DAPK2: variants seen among roughly 807,000 people sequenced by gnomAD.
DAPK2 encodes the protein death-associated protein kinase 2.
Under a neutral mutation model 44.1 loss-of-function variants are expected in DAPK2, and 35 were observed. That is an observed-to-expected ratio of 0.79 (90% CI 0.61 to 1.05). The LOEUF is 1.05. Ranked by LOEUF, DAPK2 falls within the 50% of genes least tolerant of loss-of-function variation. DAPK2 has a pLI of 0.00. For synonymous variants in DAPK2, 174 were observed against 182.6 expected (o/e 0.95, Z 0.38); for missense variants, 453 against 483.2 (o/e 0.94, Z 0.59).
chr15:63,985,416 C>T (rs1483331456), intron 1 of DAPK2, among the ~76,000 whole-genome samples: 1 of 152,204 alleles, frequency 6.6e-6, no homozygotes, highest in Non-Finnish European at 1.5e-5. Context: ...CAGCGGGTGC[C>T]TTGGTAGGTG....
chr15:63,914,910 A>T (rs995669326), intron 8 of DAPK2, among the ~76,000 whole-genome samples: 1 of 152,158 alleles, frequency 6.6e-6, no homozygotes, highest in African/African-American at 2.4e-5. Context: ...TCTTCATTAC[A>T]CGTGGTGCTA....
chr15:63,913,498 G>A (rs1224192580), intron 8 of DAPK2, among the ~76,000 whole-genome samples: 1 of 152,086 alleles, frequency 6.6e-6, no homozygotes, highest in Non-Finnish European at 1.5e-5. Flanking sequence ...AAAGGTCCCG[G>A]GCAGCTCTGG....
chr15:64,037,373 G>A (rs2080238699), intron 1 of DAPK2, among the ~76,000 whole-genome samples: 1 of 152,116 alleles, frequency 6.6e-6, no homozygotes, highest in Non-Finnish European at 1.5e-5. Context: ...CTTCCTCAGA[G>A]CAATCTTCTC....
chr15:63,910,299 G>A (rs557156780), intron 10 of DAPK2, among the ~76,000 whole-genome samples: 2 of 152,280 alleles, frequency 1.3e-5, no homozygotes, highest in East Asian at 3.9e-4. Context: ...GCTGTGTGGA[G>A]GGAGTGGGGA....
intron 5 of DAPK2, chr15:63,929,828 G>A: frequency 1.5e-6 from 1 of 652,322 alleles, no homozygotes; most frequent in South Asian, 1.5e-5. Flanking sequence ...CTTGCAGGCT[G>A]TGTGATTTAG....
chr15:64,010,914 G>C (rs1046850581), intron 1 of DAPK2, among the ~76,000 whole-genome samples: 1 of 152,156 alleles, frequency 6.6e-6, no homozygotes, highest in South Asian at 2.1e-4. Flanking sequence ...CAGGGAAGCC[G>C]TCAGTCTTGG....
At chr15:63,958,527 T>C (rs943885772) in intron 3 of DAPK2, among the ~76,000 whole-genome samples, 1 of 152,238 alleles carries the variant, frequency 6.6e-6, no homozygotes, top group African/African-American at 2.4e-5. Context: ...AATTAATTTT[T>C]GTATAAGGTG....
intron 1 of DAPK2, among the ~76,000 whole-genome samples, chr15:64,010,226 T>A (rs1425412924): frequency 6.6e-6 from 1 of 152,200 alleles, no homozygotes; most frequent in African/African-American, 2.4e-5. Context: ...CTGAGGATTC[T>A]AATGCCCACC....
chr15:63,960,791 T>A (rs957902139), intron 3 of DAPK2, among the ~76,000 whole-genome samples: 1 of 152,166 alleles, frequency 6.6e-6, no homozygotes, highest in East Asian at 1.9e-4. Context: ...TTGGAATAAG[T>A]GTGATGTGGT....
chr15:64,030,395 T>TC (rs2079977916), intron 1 of DAPK2, among the ~76,000 whole-genome samples: 1 of 152,140 alleles, frequency 6.6e-6, no homozygotes, highest in Non-Finnish European at 1.5e-5. Flanking sequence ...CTGGCTCCCC[T>TC]CACCTGCCTC....
intron 1 of DAPK2, among the ~76,000 whole-genome samples, chr15:64,038,604 G>A (rs1485712071): frequency 6.6e-6 from 1 of 152,046 alleles, no homozygotes; most frequent in African/African-American, 2.4e-5. Flanking sequence ...CTAACTCCCT[G>A]ATCTTGAAGC....
exon 11 of DAPK2, chr15:63,907,079 CAG>C (rs1343609391): frequency 6.6e-6 from 1 of 152,114 alleles, no homozygotes; most frequent in African/African-American, 2.4e-5. Context: ...TTTTTGAGGC[CAG>C]AGTCTAAGAT....
intron 3 of DAPK2, among the ~76,000 whole-genome samples, chr15:63,960,589 T>C (rs2077868761): frequency 6.6e-6 from 1 of 152,238 alleles, no homozygotes; most frequent in Non-Finnish European, 1.5e-5. Flanking sequence ...TCTTTATTTC[T>C]GTCTTCATTT....
At chr15:63,934,940 G>A (rs1183254035) in intron 4 of DAPK2, among the ~76,000 whole-genome samples, 2 of 152,064 alleles carry the variant, frequency 1.3e-5, no homozygotes, top group Non-Finnish European at 2.9e-5. Context: ...TTCTTGCTTT[G>A]AGGCCTCCCT....
chr15:64,016,926 T>C (rs2079549311), intron 1 of DAPK2, among the ~76,000 whole-genome samples: 1 of 151,790 alleles, frequency 6.6e-6, no homozygotes, highest in South Asian at 2.1e-4. Flanking sequence ...GCCCAGCATA[T>C]GGCCTGCATA....
At chr15:64,021,998 ACT>A (rs1368115752) in intron 1 of DAPK2, among the ~76,000 whole-genome samples, 1 of 152,162 alleles carries the variant, frequency 6.6e-6, no homozygotes, top group Non-Finnish European at 1.5e-5. Context: ...CACTTTCCTG[ACT>A]CTGTATCAGA....
chr15:64,043,044 G>C (rs1170053517), upstream of DAPK2, among the ~76,000 whole-genome samples: 1 of 152,186 alleles, frequency 6.6e-6, no homozygotes, highest in Non-Finnish European at 1.5e-5. Context: ...ACACAGACCT[G>C]GGTTTAAATC....
intron 3 of DAPK2, among the ~76,000 whole-genome samples, chr15:63,954,827 T>C (rs907496648): frequency 6.6e-6 from 1 of 152,222 alleles, no homozygotes; most frequent in Non-Finnish European, 1.5e-5. Flanking sequence ...CTTCAATTTC[T>C]CTCATCAATG....
At chr15:63,924,972 C>T (rs1203169426) in intron 7 of DAPK2, 111 bp from the exon 9 acceptor site, 8 of 1,159,086 alleles carry the variant, frequency 6.9e-6, no homozygotes, top group South Asian at 2.8e-5. Flanking sequence ...TGGCCACTGC[C>T]GTCAAACCAG....
Sources: gnomAD v4.1 joint callset for allele counts (sites outside exome capture counted in the v4.1 genomes callset) on GRCh38, gnomAD v4.1.1 for gene constraint, MANE v1.5 for transcripts, NCBI Gene and HGNC (gene_info 2026-07-23, HGNC 2026-07-21) for gene names.